The following EML5 variants were observed in gnomAD, a reference collection of about 807,000 sequenced individuals.
EML5 encodes the protein EMAP like 5.
In EML5, 120 loss-of-function variants were observed where a neutral mutation model predicts 250.0. The ratio of observed to expected loss-of-function variants is 0.48; its 90% confidence interval spans 0.41 to 0.56. The LOEUF is 0.56. Among genes scored for constraint, EML5 ranks in the 20% least tolerant of loss-of-function variants. The pLI is 0.00. For missense variants in EML5, 2,006 were observed against 2,437.6 expected (o/e 0.82, Z 3.73); for synonymous variants, 771 against 806.5 (o/e 0.96, Z 0.75).
intron 29 of EML5, among the ~76,000 whole-genome samples, chr14:88,645,344 G>C (rs2091297157): frequency 6.6e-6 from 1 of 152,078 alleles, no homozygotes; most frequent in African/African-American, 2.4e-5. Flanking sequence ...AATTTCTTTG[G>C]TGTACGTGTC....
intron 19 of EML5, among the ~76,000 whole-genome samples, chr14:88,685,514 G>A (rs1226788072): frequency 1.3e-5 from 2 of 152,130 alleles, no homozygotes; most frequent in South Asian, 2.1e-4. Flanking sequence ...TATCCTTGGG[G>A]GATTGATTCC....
At chr14:88,626,609 A>G (rs1360798021) in intron 35 of EML5, 4 of 520,574 alleles carry the variant, frequency 7.7e-6, no homozygotes, top group African/African-American at 2.0e-5. Context: ...AGAGTGAGAT[A>G]CTGTGTCAAA....
At chr14:88,662,285 A>T (rs2092129793) in intron 24 of EML5, among the ~76,000 whole-genome samples, 1 of 129,312 alleles carries the variant, frequency 7.7e-6, no homozygotes, top group Non-Finnish European at 1.6e-5. Flanking sequence ...AAGATAAAAA[A>T]TAAAAAAAAA....
At position 88,765,141 on chromosome 14, in the gene EML5, A is replaced by G. The variant is rs138989899; in HGVS notation, c.198-10470T>C. ...TGATGTCACAAATTACCATAAATTT[A>G]GCACCTTAAAGCAATACAAGCTTAT... On this transcript the variant is annotated intron_variant, in intron 1 of 43. Coordinates refer to ENST00000554922, the MANE Select transcript of EML5 (RefSeq NM_183387.3). Among the ~76,000 whole-genome samples the G allele has an allele frequency of 2.8e-3, 431 of 152,328 alleles. 1 individual carries two copies. The highest frequency in any genetic ancestry group is 7.9e-3 in the African/African-American group (328 of 41,584).
At chr14:88,653,379 T>C (rs1404514230) in intron 27 of EML5, among the ~76,000 whole-genome samples, 1 of 152,230 alleles carries the variant, frequency 6.6e-6, no homozygotes, top group Non-Finnish European at 1.5e-5. Context: ...GTGCCGGTTT[T>C]CAAAGGGAAT....
chr14:88,645,583 C>A (rs1469452988), intron 29 of EML5, among the ~76,000 whole-genome samples: 1 of 152,156 alleles, frequency 6.6e-6, no homozygotes, highest in Non-Finnish European at 1.5e-5. Context: ...ACATAAATCA[C>A]ATCCGAGTTC....
intron 1 of EML5, among the ~76,000 whole-genome samples, chr14:88,767,554 T>C (rs2094336775): frequency 6.6e-6 from 1 of 152,230 alleles, no homozygotes. Context: ...TTTGTCATAA[T>C]ATTGTTACAC....
intron 21 of EML5, among the ~76,000 whole-genome samples, chr14:88,677,317 G>A (rs965586623): frequency 6.6e-6 from 1 of 152,140 alleles, no homozygotes; most frequent in African/African-American, 2.4e-5. Flanking sequence ...ATGGATTAAA[G>A]ACTTAAATGT....
chr14:88,638,617 C>T (rs559618330), intron 32 of EML5, among the ~76,000 whole-genome samples, 192 bp downstream of exon 32: 1 of 152,274 alleles, frequency 6.6e-6, no homozygotes, highest in East Asian at 1.9e-4. Flanking sequence ...AAGACCAACT[C>T]AGATAACCAG....
chr14:88,613,077 CA>C lies in EML5; in HGVS notation c.*2740del, dbSNP rs1398852091. ...CTCACGTTTAAGATTGTCAAGCCAG[CA>C]GTCTACTGTTGTGTTGCCATTGCTT... On this transcript the variant is annotated 3_prime_UTR_variant, in exon 44 of 44. Transcript: ENST00000554922. 1 of 152,296 alleles carries C rather than the reference CA, an allele frequency of 6.6e-6. No individual in the cohort carries two copies. Among genetic ancestry groups the C allele is most frequent in the Non-Finnish European group, 1.5e-5 (1 of 68,026 alleles). 9.4% of individuals were successfully genotyped at this position (152,296 alleles called of 1,614,324 possible).
chr14:88,627,393 C>T (rs2090076200), intron 34 of EML5: 2 of 482,844 alleles, frequency 4.1e-6, no homozygotes, highest in African/African-American at 3.9e-5. Flanking sequence ...TAGTTTCTTG[C>T]TGGAAGAAAA....
intron 1 of EML5, among the ~76,000 whole-genome samples, chr14:88,770,628 C>T (rs972629241): frequency 1.3e-5 from 2 of 152,040 alleles, no homozygotes; most frequent in Non-Finnish European, 2.9e-5. Context: ...GATTCTCTTC[C>T]GATTGGTCCA....
rs2087288492 is a variant in EML5, at chr14:88,614,444, G to C, written c.*1374C>G. On this transcript the variant is annotated 3_prime_UTR_variant, in exon 44 of 44. Transcript: ENST00000554922. ...TGTAATTTAGTCATTTCTATTTTTA[G>C]TATTAACCAAGTATTAGACACAGAA... The C allele has an allele frequency of 2.0e-5, 3 of 152,020 alleles. No individual in the cohort carries two copies. Among genetic ancestry groups the C allele is most frequent in the Non-Finnish European group, 4.4e-5 (3 of 67,988 alleles). 9.4% of individuals were successfully genotyped at this position (152,020 alleles called of 1,614,324 possible).
chr14:88,756,480 T>G (rs2094161156), intron 1 of EML5, among the ~76,000 whole-genome samples: 1 of 152,096 alleles, frequency 6.6e-6, no homozygotes, highest in Non-Finnish European at 1.5e-5. Context: ...TCATTTAACT[T>G]ATTAGATATT....
At chr14:88,661,990 C>T (rs2092117025) in intron 24 of EML5, among the ~76,000 whole-genome samples, 160 bp from the exon 25 acceptor site, 1 of 152,052 alleles carries the variant, frequency 6.6e-6, no homozygotes, top group Non-Finnish European at 1.5e-5. Flanking sequence ...TTTTGTAACT[C>T]CCCAGAGCCT....
At chr14:88,695,541 A>T in intron 15 of EML5, 87 bp from the exon 16 acceptor site, 2 of 1,220,392 alleles carry the variant, frequency 1.6e-6, no homozygotes, top group East Asian at 5.2e-5. Flanking sequence ...CCCACATCCT[A>T]TATTTAAAAT....
rs1470147981 is a variant in EML5, at chr14:88,792,953, G to C, written c.-450C>G. ...CGCGCACCCCGAAACCGAGCGAGCC[G>C]AGCCGAGCCGAGCCGAGCGGCGGGC... On this transcript the variant is annotated 5_prime_UTR_variant, in exon 1 of 44. Coordinates refer to ENST00000554922, the MANE Select transcript of EML5 (RefSeq NM_183387.3). This position sits in a 1 kb window ranked among gnomAD's most constrained non-coding sequence, Gnocchi z 6.9. 6.6e-6 allele frequency among the ~76,000 whole-genome samples: 1 copy of C among 151,812 alleles called. No homozygotes were observed. The highest frequency in any genetic ancestry group is 1.9e-4 in the East Asian group (1 of 5,140).
chr14:88,718,660 T>A (rs1203578927), intron 8 of EML5, among the ~76,000 whole-genome samples: 1 of 152,082 alleles, frequency 6.6e-6, no homozygotes, highest in Non-Finnish European at 1.5e-5. Flanking sequence ...CATATAGGAA[T>A]GAGGATAGAG....
Position 88,622,606 on chromosome 14 carries a change from T to G in EML5, c.5011A>C (p.Lys1671Gln), listed in dbSNP as rs769203272. The change falls in exon 37 of 44, where the codon AAA becomes CAA. Residue 1671 changes from lysine to glutamine, a missense_variant and splice_region_variant. Lys to Gln is a moderately conservative substitution (Grantham distance 53). Transcript: ENST00000554922. Reference protein sequence around the residue: ...TDCVRSVCRGKGKILVGTRNA... With the variant: ...TDCVRSVCRGQGKILVGTRNA... ...TATCAGCTCATGGAACATCTTACTT[T>G]GCCTCTGCACACAGAACGAACACAA... 6.3e-7 allele frequency: 1 copy of G among 1,597,342 alleles called. No homozygotes were observed. The highest frequency in any genetic ancestry group is 2.3e-5 in the East Asian group (1 of 44,174).
Sources: gnomAD v4.1 joint callset for allele counts (sites outside exome capture counted in the v4.1 genomes callset) on GRCh38, gnomAD v4.1.1 for gene constraint, Gnocchi (gnomAD v3.1) non-coding constraint, MANE v1.5 for transcripts, NCBI Gene and HGNC (gene_info 2026-07-23, HGNC 2026-07-21) for gene names.